Variants in ZC3HAV1 observed in about 807,000 individuals in gnomAD.
ZC3HAV1 encodes zinc finger CCCH-type antiviral protein 1.
A neutral mutation model predicts 86.6 loss-of-function variants in ZC3HAV1; 41 were observed. The ratio of observed to expected loss-of-function variants is 0.47; its 90% CI spans 0.37 to 0.61. The LOEUF (loss-of-function observed/expected upper bound fraction) is 0.61. Among genes scored for constraint, ZC3HAV1 ranks in the 20% least tolerant of loss-of-function variants. ZC3HAV1 has a pLI of 0.00. For missense variants in ZC3HAV1, 964 were observed against 1,141.1 expected (o/e 0.84, Z 2.24); for synonymous variants, 421 against 432.1 (o/e 0.97, Z 0.32).
At position 139,097,389 on chromosome 7, in the gene ZC3HAV1, A is replaced by AG. The variant is rs1456750216; in HGVS notation, c.309-7631_309-7630insC. 2.3e-5 allele frequency among the ~76,000 whole-genome samples: 3 copies of AG among 131,024 alleles called. No homozygotes were observed. The East Asian group carries it at 7.4e-4, about 32-fold the overall frequency. The allele number at this position is 131,024 out of a possible 152,430, so 86.0% of individuals were successfully genotyped here. A position where few individuals can be genotyped will look rare whatever the true frequency, so the allele number is the denominator to read the frequency against. On this transcript the variant is annotated intron_variant, in intron 1 of 12. Coordinates refer to ENST00000242351, the MANE Select transcript of ZC3HAV1 (RefSeq NM_020119.4). ...AACAATCCATCATGGATGGAAACAA[A>AG]TATTGGAACTCCATATATATATATA...
At chr7:139,090,359 G>A (rs1817395136) in intron 1 of ZC3HAV1, among the ~76,000 whole-genome samples, 1 of 151,864 alleles carries the variant, frequency 6.6e-6, no homozygotes, top group Middle Eastern at 3.2e-3. Context: ...CAAAGCACTG[G>A]GATTACAGAT....
intron 9 of ZC3HAV1, among the ~76,000 whole-genome samples, chr7:139,058,028 C>A (rs2130672210): frequency 6.6e-6 from 1 of 152,128 alleles, no homozygotes. Context: ...GTGACGTGTG[C>A]CGTAGTTCAC....
In ZC3HAV1 at chr7:139,091,261, A is replaced by G. The variant is rs896729236; in HGVS notation, c.309-1502T>C. On this transcript the variant is annotated intron_variant, in intron 1 of 12. Transcript: ENST00000242351. ...ATGCCTGTAATCCCAGCACTTCGGG[A>G]GGCCGAGGCGGGCGGATCACGAGGT... is the stretch of plus-strand genomic sequence containing the variant. Among the ~76,000 whole-genome samples the G allele has an allele frequency of 3.4e-4, 52 of 152,152 alleles. 1 individual carries two copies. Among genetic ancestry groups the G allele is most frequent in the Non-Finnish European group, 3.2e-4 (22 of 68,022 alleles).
At chr7:139,056,523 T>G (rs149188617) in intron 9 of ZC3HAV1, among the ~76,000 whole-genome samples, 1 of 151,696 alleles carries the variant, frequency 6.6e-6, no homozygotes, top group Non-Finnish European at 1.5e-5. Flanking sequence ...CTCAACCTCT[T>G]GAGTAGCTGG....
intron 2 of ZC3HAV1, among the ~76,000 whole-genome samples, chr7:139,085,536 A>G (rs1246543418): frequency 6.6e-6 from 1 of 152,210 alleles, no homozygotes; most frequent in East Asian, 1.9e-4. Context: ...TAACACTTGC[A>G]GGTGCTTTTA....
rs1482989675 is a variant in ZC3HAV1, at chr7:139,083,799, C to T, written c.678G>A (p.Lys226=). 1 of 1,610,810 alleles carries T rather than the reference C, an allele frequency of 6.2e-7. No individual in the cohort carries two copies. The highest frequency in any genetic ancestry group is 1.3e-5 in the African/African-American group (1 of 74,636). Reference sequence around the variant, plus strand: ...CTTTACCTCTGGGCCCTGGGGGATTCTTCTGCATGTGCTTGCTGTTGCAGA... The same window carrying T: ...CTTTACCTCTGGGCCCTGGGGGATTTTTCTGCATGTGCTTGCTGTTGCAGA... ...QDICNSKHMQ[K]NPPGPRAPSS... The change falls in exon 3 of 13, where the codon AAG becomes AAA. Residue 226 remains lysine (K), a synonymous_variant. Transcript: ENST00000242351.
At chr7:139,084,069 CCTT>C (rs1316518709) in intron 2 of ZC3HAV1, 37 bp from the exon 3 acceptor site, 2 of 1,597,500 alleles carry the variant, frequency 1.3e-6, no homozygotes, top group Admixed American at 3.4e-5. Context: ...AGTCAAAACA[CCTT>C]CTTGTATTTG....
At chr7:139,107,765 T>G (rs1004404530) in intron 1 of ZC3HAV1, among the ~76,000 whole-genome samples, 3 of 152,208 alleles carry the variant, frequency 2.0e-5, no homozygotes, top group African/African-American at 4.8e-5. Context: ...GTGGAGCCAC[T>G]GCACTCCAGC....
intron 1 of ZC3HAV1, among the ~76,000 whole-genome samples, chr7:139,091,963 G>A (rs1214270631): frequency 6.6e-6 from 1 of 152,176 alleles, no homozygotes; most frequent in Non-Finnish European, 1.5e-5. Context: ...AACGCTCAAA[G>A]TTCTCCCCGC....
chr7:139,097,160 A>T (rs925309678), intron 1 of ZC3HAV1, among the ~76,000 whole-genome samples: 36 of 150,948 alleles, frequency 2.4e-4, no homozygotes, highest in Non-Finnish European at 4.4e-4. Flanking sequence ...TAATAAAAAT[A>T]AAAAATAAAA....
intron 3 of ZC3HAV1, 101 bp from the exon 4 acceptor site, chr7:139,080,344 C>T (rs1013959187): frequency 4.5e-5 from 63 of 1,412,790 alleles, no homozygotes; most frequent in Non-Finnish European, 5.8e-5. Flanking sequence ...TGTAGCTTTG[C>T]TATCCAAGTG....
At chr7:139,097,420 ATATATATATT>A (rs1204178113) in intron 1 of ZC3HAV1, among the ~76,000 whole-genome samples, 5 of 79,168 alleles carry the variant, frequency 6.3e-5, no homozygotes, top group Non-Finnish European at 1.1e-4. Flanking sequence ...ATATATATAT[ATATATATATT>A]TTTTTTTTTT....
In ZC3HAV1 at chr7:139,109,514, G is replaced by A; in HGVS notation, c.-183C>T. 1 of 745,448 alleles carries A rather than the reference G, an allele frequency of 1.3e-6. No individual in the cohort carries two copies. The highest frequency in any genetic ancestry group is 2.1e-6 in the Non-Finnish European group (1 of 479,114). 46.2% of individuals were successfully genotyped at this position (745,448 alleles called of 1,614,324 possible). A position where few individuals can be genotyped will look rare whatever the true frequency, so the allele number is the denominator to read the frequency against. On this transcript the variant is annotated 5_prime_UTR_variant, in exon 1 of 13. Transcript: ENST00000242351. The stretch of plus-strand genomic sequence containing the variant: ...CCCAGCGATCCACTCTCGGCTCTCA[G>A]GTCAAGAGGCTAGATCTCACCGACC...
chr7:139,053,311 T>C (rs1423027181), intron 12 of ZC3HAV1, 140 bp downstream of exon 12: 1 of 1,006,760 alleles, frequency 9.9e-7, no homozygotes, highest in African/African-American at 1.7e-5. Flanking sequence ...GATATTACCG[T>C]GAGCTTACTG....
intron 7 of ZC3HAV1, among the ~76,000 whole-genome samples, chr7:139,070,590 G>GGAGGC (rs1360794541): frequency 7.9e-5 from 12 of 151,624 alleles, no homozygotes; most frequent in Admixed American, 6.6e-4. Context: ...CGTGAACACG[G>GGAGGC]GAGGCGGGGC....
chr7:139,046,361 C>G lies in ZC3HAV1; in HGVS notation c.*1233G>C, dbSNP rs1252615786. The stretch of plus-strand genomic sequence containing the variant: ...TGCTCCTAGGTTCTTGGCTCACTTG[C>G]CAAGACTACAATAGCACTCGCGTTT... On this transcript the variant is annotated 3_prime_UTR_variant, in exon 13 of 13. Coordinates refer to ENST00000242351, the MANE Select transcript of ZC3HAV1 (RefSeq NM_020119.4). The G allele has an allele frequency of 6.6e-6, 1 of 152,172 alleles. No individual in the cohort carries two copies. The highest frequency in any genetic ancestry group is 1.5e-5 in the Non-Finnish European group (1 of 68,024). 9.4% of individuals were successfully genotyped at this position (152,172 alleles called of 1,614,324 possible).
chr7:139,107,156 T>C (rs561827739), intron 1 of ZC3HAV1, among the ~76,000 whole-genome samples: 1 of 152,190 alleles, frequency 6.6e-6, no homozygotes, highest in Non-Finnish European at 1.5e-5. Flanking sequence ...CATGCTAGAA[T>C]GTTCCTTCCT....
rs1412144083 is a variant in ZC3HAV1 at position 139,055,195 on chromosome 7, A to C, written c.2187+10T>G. On this transcript the variant is annotated intron_variant, in intron 10 of 12. Transcript: ENST00000242351. The stretch of plus-strand genomic sequence containing the variant: ...ACAGACTCATCCACCAAACATGTAA[A>C]ACCAAGTACCTTATATTTCTTTGAG... 6.2e-7 allele frequency: 1 copy of C among 1,608,250 alleles called. No individual in the cohort carries two copies. The highest frequency in any genetic ancestry group is 1.1e-5 in the South Asian group (1 of 90,124).
intron 12 of ZC3HAV1, among the ~76,000 whole-genome samples, chr7:139,050,519 C>T (rs2130660431): frequency 6.6e-6 from 1 of 152,222 alleles, no homozygotes; most frequent in Middle Eastern, 3.4e-3. Flanking sequence ...AGGCATGTGC[C>T]ACCACGCCCA....
Sources: gnomAD v4.1 joint callset for allele counts (sites outside exome capture counted in the v4.1 genomes callset) on GRCh38, gnomAD v4.1.1 for gene constraint, MANE v1.5 for transcripts, NCBI Gene and HGNC (gene_info 2026-07-23, HGNC 2026-07-21) for gene names.